ST18: variants seen among roughly 807,000 people sequenced by gnomAD.
ST18 encodes the protein ST18 C2H2C-type zinc finger transcription factor.
A neutral mutation model predicts 110.0 loss-of-function variants in ST18; 50 were observed. The ratio of observed to expected loss-of-function variants is 0.45; its 90% CI spans 0.36 to 0.58. ST18 has a LOEUF of 0.58. Ranked by LOEUF, ST18 falls within the 20% of genes least tolerant of loss-of-function variation. The probability of loss-of-function intolerance (pLI) is 0.00; values close to 1 mark genes in which losing one functional copy is unlikely to be tolerated. For missense variants in ST18, 1,306 were observed against 1,280.1 expected (o/e 1.02, Z -0.31); for synonymous variants, 461 against 452.4 (o/e 1.02, Z -0.24).
chr8:52,125,626 G>C (rs938492889), intron 23 of ST18, among the ~76,000 whole-genome samples: 1 of 151,870 alleles, frequency 6.6e-6, no homozygotes, highest in South Asian at 2.1e-4. Flanking sequence ...AGAGTAACTG[G>C]GACTACAGGT....
chr8:52,138,694 G>A (rs527752471), intron 17 of ST18, among the ~76,000 whole-genome samples: 1 of 152,296 alleles, frequency 6.6e-6, no homozygotes, highest in Middle Eastern at 3.4e-3. Context: ...GATGGTGTTT[G>A]AAAGTCACTC....
At chr8:52,388,469 T>G (rs1463140094) in intron 2 of ST18, among the ~76,000 whole-genome samples, 2 of 152,150 alleles carry the variant, frequency 1.3e-5, no homozygotes, top group Non-Finnish European at 2.9e-5. Flanking sequence ...TGCACACGGC[T>G]GAGCCATTTA....
intron 10 of ST18, 81 bp downstream of exon 10, chr8:52,171,711 G>A: frequency 6.7e-7 from 1 of 1,492,590 alleles, no homozygotes; most frequent in South Asian, 1.2e-5. Context: ...AAAGCTACCT[G>A]AAAAAAATAA....
chr8:52,125,770 G>T (rs891335823), intron 23 of ST18: 2 of 345,626 alleles, frequency 5.8e-6, no homozygotes, highest in Non-Finnish European at 1.0e-5. Context: ...GATTACAGGC[G>T]TGAGCCAGCA....
chr8:52,147,148 A>C (rs186044378), intron 16 of ST18, among the ~76,000 whole-genome samples: 1 of 152,302 alleles, frequency 6.6e-6, no homozygotes, highest in Admixed American at 6.5e-5. Flanking sequence ...GCCATTCTGT[A>C]AAGAGCATCA....
In ST18 at chr8:52,156,264, G is replaced by A. The variant is rs1484208501; in HGVS notation, c.1806+2634C>T. The stretch of plus-strand genomic sequence containing the variant: ...TCCAGCACTTAGAGACCTTTGGTTG[G>A]TTCAGCTATGAGTCCATCACCAGGA... On this transcript the variant is annotated intron_variant, in intron 15 of 25. Coordinates refer to ENST00000689386, the MANE Select transcript of ST18 (RefSeq NM_001352837.2). Among the ~76,000 whole-genome samples, 6 of 152,318 alleles carry A rather than the reference G, an allele frequency of 3.9e-5. No homozygotes were observed. The East Asian group carries it at 5.8e-4, about 15-fold the overall frequency.
intron 2 of ST18, among the ~76,000 whole-genome samples, chr8:52,251,364 T>C (rs759568263): frequency 9.9e-5 from 15 of 152,140 alleles, no homozygotes; most frequent in Non-Finnish European, 1.9e-4. Context: ...TATGTGTATG[T>C]ATAGATGTAT....
At chr8:52,354,059 A>G (rs1219088355) in intron 2 of ST18, among the ~76,000 whole-genome samples, 2 of 152,240 alleles carry the variant, frequency 1.3e-5, no homozygotes, top group Non-Finnish European at 2.9e-5. Flanking sequence ...AGCACCAAAG[A>G]GCACCAACCT....
chr8:52,332,756 C>G (rs184365431), intron 2 of ST18, among the ~76,000 whole-genome samples: 6 of 151,978 alleles, frequency 3.9e-5, no homozygotes, highest in African/African-American at 1.4e-4. Flanking sequence ...GAGGCTGAGG[C>G]GGGAGAATCG....
intron 2 of ST18, among the ~76,000 whole-genome samples, chr8:52,379,155 G>C (rs1299740641): frequency 1.4e-5 from 2 of 147,612 alleles, no homozygotes; most frequent in Admixed American, 1.4e-4. Context: ...CTGAAGTGCA[G>C]TGGCTCAATC....
At chr8:52,134,388 T>G (rs1228733980) in intron 19 of ST18, among the ~76,000 whole-genome samples, 1 of 152,204 alleles carries the variant, frequency 6.6e-6, no homozygotes, top group Non-Finnish European at 1.5e-5. Flanking sequence ...TTTGCTGTCT[T>G]TTTAGAAAAT....
intron 2 of ST18, among the ~76,000 whole-genome samples, chr8:52,360,916 C>A (rs945379434): frequency 2.0e-5 from 3 of 152,118 alleles, no homozygotes; most frequent in African/African-American, 7.2e-5. Flanking sequence ...AAACTTAGAG[C>A]ACACAAATTT....
At chr8:52,134,636 A>G (rs1237957117) in intron 19 of ST18, among the ~76,000 whole-genome samples, 2 of 152,220 alleles carry the variant, frequency 1.3e-5, no homozygotes, top group Non-Finnish European at 2.9e-5. Context: ...ATGTAATATA[A>G]AATGAGCATG....
rs535152460 is a variant in ST18 at position 52,156,640 on chromosome 8, T to C, written c.1806+2258A>G. ...CACTTTTGCTAAAATAATTATCTTG[T>C]TAATTCAGGAATAAATGAGATTCTC... is the stretch of plus-strand genomic sequence containing the variant. On this transcript the variant is annotated intron_variant, in intron 15 of 25. Coordinates refer to ENST00000689386, the MANE Select transcript of ST18 (RefSeq NM_001352837.2). 2.6e-5 allele frequency among the ~76,000 whole-genome samples: 4 copies of C among 152,360 alleles called. No homozygotes were observed. In the South Asian group the frequency reaches 8.3e-4, roughly 32 times the overall value.
At chr8:52,359,191 C>CA in intron 2 of ST18, among the ~76,000 whole-genome samples, 1 of 151,822 alleles carries the variant, frequency 6.6e-6, no homozygotes, top group Non-Finnish European at 1.5e-5. Flanking sequence ...TATTTCAAGA[C>CA]AAAAACATTC....
Position 52,132,078 on chromosome 8 carries a change from T to G in ST18, c.2546A>C (p.Glu849Ala). The change falls in exon 22 of 26, where the codon GAG becomes GCG. Residue 849 changes from glutamate to alanine, a missense_variant. Physicochemically the swap from Glu to Ala is moderately radical, Grantham distance 107. Transcript: ENST00000689386. ...GCPLAAKRQKENPLNGASLSW... is the reference protein window; with the variant it reads ...GCPLAAKRQKANPLNGASLSW... ...GAGGGAGGCTCCATTGAGAGGATTCTCCTTCTGTCTCTTGGCAGCCAGAGG... is the reference window on the plus strand; with the variant it reads ...GAGGGAGGCTCCATTGAGAGGATTCGCCTTCTGTCTCTTGGCAGCCAGAGG... 4 of 1,614,244 alleles carry G rather than the reference T, an allele frequency of 2.5e-6. No homozygotes were observed. The highest frequency in any genetic ancestry group is 3.4e-6 in the Non-Finnish European group (4 of 1,180,046).
chr8:52,137,806 G>GA, intron 17 of ST18: 1 of 256,170 alleles, frequency 3.9e-6, no homozygotes. Flanking sequence ...TAATTCATTT[G>GA]AAAAATGTAT....
At chr8:52,405,233 T>C (rs1435400048) in intron 2 of ST18, 1 of 152,238 alleles carries the variant, frequency 6.6e-6, no homozygotes, top group Non-Finnish European at 1.5e-5. Flanking sequence ...TTTGAATTTT[T>C]AAAACGGTGA....
At chr8:52,321,730 T>A (rs1363139793) in intron 2 of ST18, among the ~76,000 whole-genome samples, 3 of 152,166 alleles carry the variant, frequency 2.0e-5, no homozygotes, top group Non-Finnish European at 4.4e-5. Context: ...ACAAATAAAG[T>A]TTTTAAGTAA....
Sources: allele counts gnomAD v4.1 joint callset (sites outside exome capture counted in the v4.1 genomes callset), GRCh38; gene constraint gnomAD v4.1.1; transcripts MANE v1.5; gene names NCBI Gene and HGNC (gene_info 2026-07-23, HGNC 2026-07-21).